SYT1: variants seen among roughly 807,000 people sequenced by gnomAD.
The protein encoded by SYT1 is synaptotagmin 1, also known as synaptotagmin-1.
A neutral mutation model predicts 44.8 loss-of-function variants in SYT1; 8 were observed. The ratio of observed to expected loss-of-function variants is 0.18; its 90% CI spans 0.10 to 0.32. The LOEUF is 0.32. Ranked by LOEUF, SYT1 falls within the 10% of genes least tolerant of loss-of-function variation. The probability of loss-of-function intolerance (pLI) is 1.00; values close to 1 mark genes in which losing one functional copy is unlikely to be tolerated. For missense variants in SYT1, 286 were observed against 509.3 expected, an observed-to-expected ratio of 0.56 and a Z score of 4.22; for synonymous variants, 154 against 188.8, an observed-to-expected ratio of 0.82 and a Z score of 1.51.
intron 8 of SYT1, among the ~76,000 whole-genome samples, chr12:79,313,824 A>T (rs961922881): frequency 2.0e-5 from 3 of 152,054 alleles, no homozygotes; most frequent in Non-Finnish European, 4.4e-5. Flanking sequence ...TAAATGAGAT[A>T]ATTAATGTAA....
chr12:79,014,982 G>A (rs576626036), intron 2 of SYT1, among the ~76,000 whole-genome samples: 207 of 151,582 alleles, frequency 1.4e-3, no homozygotes, highest in African/African-American at 4.7e-3. Context: ...AACACCGCAT[G>A]TTCTCACTCA....
At chr12:79,348,697 A>C (rs1039710428) in intron 8 of SYT1, among the ~76,000 whole-genome samples, 3 of 152,160 alleles carry the variant, frequency 2.0e-5, no homozygotes, top group Non-Finnish European at 4.4e-5. Flanking sequence ...CAGAAATGTC[A>C]CTAGGGCTTA....
At chr12:79,083,347 G>T (rs764526772) in intron 3 of SYT1, among the ~76,000 whole-genome samples, 1 of 152,138 alleles carries the variant, frequency 6.6e-6, no homozygotes, top group South Asian at 2.1e-4. Flanking sequence ...AAAACACCTG[G>T]TGAATTTGAA....
chr12:79,090,623 T>C (rs1877709871), intron 3 of SYT1, among the ~76,000 whole-genome samples: 1 of 151,954 alleles, frequency 6.6e-6, no homozygotes, highest in South Asian at 2.1e-4. Flanking sequence ...TTTGAGCCTA[T>C]AAACCAAACA....
At chr12:79,308,435 G>A (rs1305935336) in intron 8 of SYT1, among the ~76,000 whole-genome samples, 4 of 149,794 alleles carry the variant, frequency 2.7e-5, no homozygotes. Context: ...GAAGCCAGGA[G>A]GCGGAGCTTG....
intron 8 of SYT1, among the ~76,000 whole-genome samples, chr12:79,338,936 G>T (rs577735625): frequency 2.4e-4 from 37 of 151,854 alleles, no homozygotes; most frequent in African/African-American, 8.0e-4. Context: ...TTCTGTCCTT[G>T]TGATAGTTTG....
intron 4 of SYT1, among the ~76,000 whole-genome samples, chr12:79,273,390 A>G (rs1193988674): frequency 6.6e-6 from 1 of 152,112 alleles, no homozygotes; most frequent in Non-Finnish European, 1.5e-5. Flanking sequence ...CATTATAGTT[A>G]TGAGCCACCA....
rs1876273082 is a variant in SYT1, at chr12:78,910,760, A to C, written c.-217+45651A>C. The stretch of plus-strand genomic sequence containing the variant: ...ATACCGTGTTCTGAGAGCTCATAGT[A>C]AGGAAACTTGACCTTATCGAAGAAT... On this transcript the variant is annotated intron_variant, in intron 1 of 10. Transcript: ENST00000261205. Among the ~76,000 whole-genome samples the C allele has an allele frequency of 2.0e-5, 3 of 152,012 alleles. 1 individual carries two copies. In the South Asian group the frequency reaches 6.2e-4, roughly 31 times the overall value.
chr12:79,124,177 A>T (rs1180789666), intron 3 of SYT1, among the ~76,000 whole-genome samples: 1 of 152,152 alleles, frequency 6.6e-6, no homozygotes, highest in African/African-American at 2.4e-5. Context: ...ACACATTTTG[A>T]CTCTGCCCTA....
At chr12:79,060,551 G>A (rs1356021) in intron 3 of SYT1, among the ~76,000 whole-genome samples, 3 of 151,714 alleles carry the variant, frequency 2.0e-5, no homozygotes, top group African/African-American at 7.3e-5. Flanking sequence ...TTCTAACTAC[G>A]TCATATAAGT....
intron 1 of SYT1, among the ~76,000 whole-genome samples, chr12:78,951,247 A>C (rs1369436730): frequency 1.3e-5 from 2 of 152,084 alleles, no homozygotes; most frequent in Non-Finnish European, 2.9e-5. Flanking sequence ...TTACCTCCTA[A>C]TACGTCAGTC....
intron 2 of SYT1, among the ~76,000 whole-genome samples, chr12:78,978,358 T>A (rs1160003052): frequency 6.6e-6 from 1 of 152,126 alleles, no homozygotes; most frequent in South Asian, 2.1e-4. Context: ...AGCACGAGTA[T>A]TGGGTGAGGG....
At chr12:78,955,082 G>A (rs1879141674) in intron 1 of SYT1, among the ~76,000 whole-genome samples, 1 of 151,986 alleles carries the variant, frequency 6.6e-6, no homozygotes, top group African/African-American at 2.4e-5. Flanking sequence ...CACATTTCTG[G>A]TTTTTAAATT....
intron 1 of SYT1, among the ~76,000 whole-genome samples, chr12:78,962,336 T>TTTC (rs1420280755): frequency 6.7e-6 from 1 of 148,628 alleles, no homozygotes; most frequent in Admixed American, 6.7e-5. Context: ...TTCTTTCTTT[T>TTTC]TTTTTTTTTT....
chr12:79,144,344 A>G (rs1157461992), intron 3 of SYT1, among the ~76,000 whole-genome samples: 1 of 152,220 alleles, frequency 6.6e-6, no homozygotes, highest in East Asian at 1.9e-4. Flanking sequence ...GAACAGAGCT[A>G]TCAGTCCCAG....
At chr12:79,248,049 A>G (rs533724605) in intron 4 of SYT1, among the ~76,000 whole-genome samples, 1 of 152,348 alleles carries the variant, frequency 6.6e-6, no homozygotes, top group East Asian at 1.9e-4. Context: ...GTTAACTTAC[A>G]CAGAACTAAG....
intron 4 of SYT1, among the ~76,000 whole-genome samples, chr12:79,220,245 A>G (rs577116406): frequency 4.6e-5 from 7 of 151,946 alleles, no homozygotes; most frequent in African/African-American, 1.7e-4. Flanking sequence ...TTGCATTTCT[A>G]TTGTATCAGT....
chr12:78,885,317 G>GAAGAAGGAAGGA (rs35373405), intron 1 of SYT1, among the ~76,000 whole-genome samples: 102,045 of 132,040 alleles, frequency 0.77, 40,430 homozygotes, highest in African/African-American at 0.94. Flanking sequence ...GAGAGGGAGG[G>GAAGAAGGAAGGA]AAGAAGGAAG....
intron 9 of SYT1, among the ~76,000 whole-genome samples, chr12:79,382,666 T>C (rs926195616): frequency 1.3e-5 from 2 of 152,208 alleles, no homozygotes; most frequent in Non-Finnish European, 2.9e-5. Flanking sequence ...ATCCATCTTA[T>C]TAAATGATGT....
Sources: gnomAD v4.1 joint callset for allele counts (sites outside exome capture counted in the v4.1 genomes callset) on GRCh38, gnomAD v4.1.1 for gene constraint, MANE v1.5 for transcripts, NCBI Gene and HGNC (gene_info 2026-07-23, HGNC 2026-07-21) for gene names.